SNX29: variants seen among roughly 807,000 people sequenced by gnomAD.
SNX29 encodes sorting nexin 29.
In SNX29, 78 loss-of-function variants were observed where a neutral mutation model predicts 102.1. The observed-to-expected ratio is 0.76, with a 90% CI of 0.64 to 0.92. SNX29 has a LOEUF of 0.92. Ranked by LOEUF, SNX29 falls within the 40% of genes least tolerant of loss-of-function variation. SNX29 has a pLI of 0.00. For synonymous variants in SNX29, 580 were observed against 414.5 expected (o/e 1.40, Z -4.85); for missense variants, 1,280 against 1,061.7 (o/e 1.21, Z -2.86).
At chr16:12,454,877 C>G (rs2086468416) in intron 18 of SNX29, among the ~76,000 whole-genome samples, 1 of 152,074 alleles carries the variant, frequency 6.6e-6, no homozygotes, top group Admixed American at 6.5e-5. Context: ...TCCCGAGTAA[C>G]TGGGACTATA....
At chr16:12,203,068 G>A (rs1014716870) in intron 14 of SNX29, among the ~76,000 whole-genome samples, 1 of 151,234 alleles carries the variant, frequency 6.6e-6, no homozygotes, top group Non-Finnish European at 1.5e-5. Flanking sequence ...GGTGGCATTG[G>A]AGGTGACAGC....
chr16:12,027,696 C>T (rs546182942), intron 4 of SNX29: 105 of 307,200 alleles, frequency 3.4e-4, no homozygotes, highest in East Asian at 1.7e-3. Flanking sequence ...GTTCGGGGAC[C>T]TGTAGCACAC....
intron 4 of SNX29, among the ~76,000 whole-genome samples, chr16:12,034,634 A>G (rs1486183303): frequency 1.3e-5 from 2 of 152,100 alleles, no homozygotes; most frequent in Non-Finnish European, 2.9e-5. Context: ...AAGGGGTATG[A>G]ATGTGTCTCA....
At chr16:12,419,009 C>T (rs1228280363) in intron 18 of SNX29, among the ~76,000 whole-genome samples, 1 of 152,198 alleles carries the variant, frequency 6.6e-6, no homozygotes, top group Non-Finnish European at 1.5e-5. Context: ...TTGTAGTGGG[C>T]AGGGCCGGGG....
intron 15 of SNX29, among the ~76,000 whole-genome samples, chr16:12,342,810 G>C (rs1358714534): frequency 6.6e-6 from 1 of 152,154 alleles, no homozygotes; most frequent in African/African-American, 2.4e-5. Context: ...CCCCAGACCA[G>C]TACCCCACAG....
rs528709779 is a variant in SNX29 at position 12,570,414 on chromosome 16, T to G, written c.*1785T>G. On this transcript the variant is annotated 3_prime_UTR_variant, in exon 21 of 21. Transcript: ENST00000566228. ...AGGCCAGAGTGCACATCAGCTCACA[T>G]GACTGGCAACTCTAAATAGAGAGCC... 1.1e-3 allele frequency: 290 copies of G among 265,802 alleles called. 3 individuals are homozygous for G. The highest frequency in any genetic ancestry group is 5.9e-3 in the African/African-American group (272 of 46,016). The allele number at this position is 265,802 out of a possible 1,614,324, so 16.5% of individuals were successfully genotyped here. A position where few individuals can be genotyped will look rare whatever the true frequency, so the allele number is the denominator to read the frequency against.
intron 3 of SNX29, among the ~76,000 whole-genome samples, chr16:12,023,585 A>G (rs1596620368): frequency 6.7e-6 from 1 of 149,612 alleles, no homozygotes; most frequent in African/African-American, 2.5e-5. Context: ...CTCAAAAAAA[A>G]AAAAGAAAAG....
intron 16 of SNX29, among the ~76,000 whole-genome samples, chr16:12,383,140 C>T (rs1039642078): frequency 2.0e-5 from 3 of 152,132 alleles, no homozygotes; most frequent in Non-Finnish European, 2.9e-5. Context: ...AGTTAAGCAT[C>T]TCTTTGGCCA....
chr16:12,096,401 T>C lies in SNX29; in HGVS notation c.1402+17486T>C, dbSNP rs1285844033. ...AGGAGCCAGAGGTGGGGATCCAGCTTGGCCATGCACAAGCTCTGTGTCACA... is the reference window on the plus strand; with the variant it reads ...AGGAGCCAGAGGTGGGGATCCAGCTCGGCCATGCACAAGCTCTGTGTCACA... On this transcript the variant is annotated intron_variant, in intron 11 of 20. Coordinates refer to ENST00000566228, the MANE Select transcript of SNX29 (RefSeq NM_032167.5). This position sits in a 1 kb window ranked among gnomAD's most constrained non-coding sequence, Gnocchi z 4.2. 1.3e-5 allele frequency among the ~76,000 whole-genome samples: 2 copies of C among 152,204 alleles called. No individual in the cohort carries two copies. The highest frequency in any genetic ancestry group is 6.5e-5 in the Admixed American group (1 of 15,288).
At chr16:12,339,396 AT>A in intron 15 of SNX29, among the ~76,000 whole-genome samples, 1 of 144,746 alleles carries the variant, frequency 6.9e-6, no homozygotes, top group East Asian at 2.2e-4. Flanking sequence ...AAAAAAAAAG[AT>A]TATGGGTAGT....
At chr16:12,298,937 C>T (rs192816297) in intron 15 of SNX29, among the ~76,000 whole-genome samples, 3 of 151,712 alleles carry the variant, frequency 2.0e-5, no homozygotes, top group Non-Finnish European at 4.4e-5. Context: ...TTTTATTTAT[C>T]CATTTTCATA....
chr16:12,425,746 TC>T (rs1012787716), intron 18 of SNX29, among the ~76,000 whole-genome samples: 7 of 151,936 alleles, frequency 4.6e-5, no homozygotes, highest in Admixed American at 3.3e-4. Context: ...GGTCTGCTCT[TC>T]CCCAGCCAGG....
chr16:12,260,560 A>C (rs1232006843), intron 14 of SNX29, among the ~76,000 whole-genome samples: 1 of 151,948 alleles, frequency 6.6e-6, no homozygotes, highest in African/African-American at 2.4e-5. Flanking sequence ...CTTTTCTCTC[A>C]TGTGGGGTGG....
chr16:12,239,005 C>T (rs979280490), intron 14 of SNX29, among the ~76,000 whole-genome samples: 1 of 152,186 alleles, frequency 6.6e-6, no homozygotes, highest in African/African-American at 2.4e-5. Flanking sequence ...AACTGTCCTT[C>T]CTTTAAGGAG....
chr16:12,488,783 C>T (rs1392285759), intron 19 of SNX29, among the ~76,000 whole-genome samples: 3 of 152,140 alleles, frequency 2.0e-5, no homozygotes, highest in Non-Finnish European at 2.9e-5. Flanking sequence ...TTAGTTGTTC[C>T]TGGTGACAAA....
At chr16:12,158,972 T>C (rs1397398832) in intron 13 of SNX29, among the ~76,000 whole-genome samples, 2 of 152,206 alleles carry the variant, frequency 1.3e-5, no homozygotes, top group Non-Finnish European at 2.9e-5. Flanking sequence ...TCATGGAGAA[T>C]GGGCGGAGAA....
intron 20 of SNX29, chr16:12,545,458 G>A (rs533756465): frequency 6.6e-6 from 1 of 152,242 alleles, no homozygotes; most frequent in Non-Finnish European, 1.5e-5. Flanking sequence ...CTTGTGGACG[G>A]ATAGGATGCC....
intron 18 of SNX29, among the ~76,000 whole-genome samples, chr16:12,441,134 C>CTAGA (rs1301818498): frequency 7.1e-6 from 1 of 140,504 alleles, no homozygotes; most frequent in Non-Finnish European, 1.5e-5. Context: ...GTCGCCCAGG[C>CTAGA]TAGAGTGCAG....
chr16:12,451,763 C>T (rs1052736697), intron 18 of SNX29, among the ~76,000 whole-genome samples: 2 of 152,162 alleles, frequency 1.3e-5, no homozygotes, highest in African/African-American at 2.4e-5. Context: ...ACTAGGGAGG[C>T]TGAGGCAGCA....
Sources: gnomAD v4.1 joint callset for allele counts (sites outside exome capture counted in the v4.1 genomes callset) on GRCh38, gnomAD v4.1.1 for gene constraint, Gnocchi (gnomAD v3.1) non-coding constraint, MANE v1.5 for transcripts, NCBI Gene and HGNC (gene_info 2026-07-23, HGNC 2026-07-21) for gene names.